The following CLDN14 variants were observed in gnomAD, a reference collection of about 807,000 sequenced individuals.
The protein encoded by CLDN14 is claudin 14, also known as claudin-14.
In CLDN14, 2 loss-of-function variants were observed where a neutral mutation model predicts 2.1. The ratio of observed to expected loss-of-function variants is 0.96; its 90% confidence interval spans 0.39 to 3.01. The LOEUF (loss-of-function observed/expected upper bound fraction) is 3.01, where lower values mean the gene tolerates loss of function less well. Among genes scored for constraint, CLDN14 ranks in the 30% most tolerant of loss-of-function variants. The pLI, the probability that CLDN14 is intolerant of heterozygous loss-of-function variation, is 0.09. For missense variants in CLDN14, 298 were observed against 328.0 expected (o/e 0.91, Z 0.71); for synonymous variants, 136 against 154.4 (o/e 0.88, Z 0.88).
In CLDN14 at chr21:36,527,516, A is replaced by T. The variant is rs376914620; in HGVS notation, c.-219-17016T>A. ...TAGATCAGCTGCTGTGTTCATGGAG[A>T]TGCTTCCACCAGATGGCCAGCCCGC... On this transcript the variant is annotated intron_variant, in intron 1 of 2. Coordinates refer to the CLDN14 transcript ENST00000342108. Among the ~76,000 whole-genome samples, 3 of 152,154 alleles carry T rather than the reference A, an allele frequency of 2.0e-5. No homozygotes were observed. The East Asian group carries it at 5.8e-4, about 29-fold the overall frequency.
intron 1 of CLDN14, among the ~76,000 whole-genome samples, chr21:36,524,074 A>G (rs2087302244): frequency 6.6e-6 from 1 of 151,404 alleles, no homozygotes; most frequent in Non-Finnish European, 1.5e-5. Context: ...ATCTATACCC[A>G]TCAGCAGTGT....
intron 1 of CLDN14, among the ~76,000 whole-genome samples, chr21:36,576,062 A>AAACC (rs2087739378): frequency 6.6e-6 from 1 of 152,198 alleles, no homozygotes; most frequent in South Asian, 2.1e-4. Flanking sequence ...CAGTAATTAA[A>AAACC]AACCAACCAA....
chr21:36,520,595 G>T (rs959140202), intron 1 of CLDN14, among the ~76,000 whole-genome samples: 3 of 152,206 alleles, frequency 2.0e-5, no homozygotes, highest in Admixed American at 6.5e-5. Flanking sequence ...TCCCAGCCAT[G>T]TGGAACTGTG....
At chr21:36,491,428 C>T (rs996925037) in intron 2 of CLDN14, among the ~76,000 whole-genome samples, 5 of 152,132 alleles carry the variant, frequency 3.3e-5, no homozygotes, top group African/African-American at 4.8e-5. Flanking sequence ...TGCGTGTCAG[C>T]GAGTCAACGA....
At chr21:36,494,079 AT>A (rs1340281246) in intron 2 of CLDN14, among the ~76,000 whole-genome samples, 2 of 152,162 alleles carry the variant, frequency 1.3e-5, no homozygotes, top group Non-Finnish European at 2.9e-5. Context: ...CATCAACTGG[AT>A]TCGCAAAGAG....
chr21:36,571,048 G>A (rs558667828), intron 1 of CLDN14, among the ~76,000 whole-genome samples: 6 of 152,150 alleles, frequency 3.9e-5, no homozygotes, highest in Non-Finnish European at 7.3e-5. Context: ...CACCATGTTG[G>A]TCAGGCTGGT....
intron 1 of CLDN14, among the ~76,000 whole-genome samples, chr21:36,470,633 G>A (rs1381239379): frequency 6.6e-6 from 1 of 152,196 alleles, no homozygotes; most frequent in Non-Finnish European, 1.5e-5. Flanking sequence ...GGCAGCCCCA[G>A]GAAACAAACA....
chr21:36,518,811 A>T (rs2146491273), intron 1 of CLDN14, among the ~76,000 whole-genome samples: 1 of 152,316 alleles, frequency 6.6e-6, no homozygotes, highest in South Asian at 2.1e-4. Flanking sequence ...CACACAATTA[A>T]TGGGAATACC....
intron 1 of CLDN14, among the ~76,000 whole-genome samples, chr21:36,570,819 G>T (rs1292053498): frequency 6.6e-6 from 1 of 152,066 alleles, no homozygotes; most frequent in African/African-American, 2.4e-5. Context: ...ATTTTAAAAT[G>T]AAAACTTCTA....
intron 1 of CLDN14, among the ~76,000 whole-genome samples, chr21:36,538,290 C>G (rs950555800): frequency 6.6e-6 from 1 of 152,146 alleles, no homozygotes; most frequent in Non-Finnish European, 1.5e-5. Context: ...AGTCATAAAA[C>G]TTAGCAAGAA....
At chr21:36,465,505 G>A (rs1292604783) in intron 1 of CLDN14, among the ~76,000 whole-genome samples, 1 of 152,218 alleles carries the variant, frequency 6.6e-6, no homozygotes, top group Non-Finnish European at 1.5e-5. Context: ...ACCAGCAGCT[G>A]CTACTGGCAT....
intron 1 of CLDN14, among the ~76,000 whole-genome samples, chr21:36,555,400 C>T (rs369637036): frequency 1.3e-5 from 2 of 152,320 alleles, no homozygotes; most frequent in Non-Finnish European, 2.9e-5. Context: ...GCACGGGGTG[C>T]GCTGTTATGC....
intron 1 of CLDN14, among the ~76,000 whole-genome samples, chr21:36,554,827 C>A (rs993853370): frequency 6.6e-6 from 1 of 152,192 alleles, no homozygotes; most frequent in African/African-American, 2.4e-5. Context: ...TACCTCCCGC[C>A]CCTGCCTCTG....
intron 1 of CLDN14, among the ~76,000 whole-genome samples, chr21:36,513,812 A>T (rs4817802): frequency 1 from 152,160 of 152,290 alleles, 76,017 homozygotes; most frequent in Middle Eastern, 1. Flanking sequence ...CCCTGGGATA[A>T]TTGATACGAG....
intron 2 of CLDN14, chr21:36,486,653 C>G (rs8132946): frequency 0.086 from 127,120 of 1,476,934 alleles, 8,803 homozygotes; most frequent in African/African-American, 0.35. Context: ...CAGCTTTTCT[C>G]TGTTCACCTC....
In CLDN14 at chr21:36,498,587, A is replaced by G. The variant is rs1169834480; in HGVS notation, c.-82+11776T>C. Among the ~76,000 whole-genome samples, 3 of 152,182 alleles carry G rather than the reference A, an allele frequency of 2.0e-5. No individual in the cohort carries two copies. Among genetic ancestry groups the G allele is most frequent in the Non-Finnish European group, 4.4e-5 (3 of 68,040 alleles). The stretch of plus-strand genomic sequence containing the variant: ...TGTGAGTATAAGCCTCTATAAACTG[A>G]GCACTGTTGCAGGCGATGGGGACGT... On this transcript the variant is annotated intron_variant, in intron 2 of 2. Transcript: ENST00000342108. The surrounding 1 kb of genome is among the most constrained non-coding windows in gnomAD (Gnocchi z 4.9).
At chr21:36,559,019 T>C (rs1342330304) in intron 1 of CLDN14, among the ~76,000 whole-genome samples, 1 of 152,172 alleles carries the variant, frequency 6.6e-6, no homozygotes, top group Admixed American at 6.5e-5. Context: ...CTGTACTGTG[T>C]TGAATAGAAG....
At chr21:36,556,087 G>C (rs1303209972) in intron 1 of CLDN14, among the ~76,000 whole-genome samples, 1 of 152,072 alleles carries the variant, frequency 6.6e-6, no homozygotes, top group Non-Finnish European at 1.5e-5. Context: ...ACTAATTTCA[G>C]CACTTCACTG....
intron 1 of CLDN14, among the ~76,000 whole-genome samples, chr21:36,530,730 T>C (rs2087373113): frequency 6.6e-6 from 1 of 151,720 alleles, no homozygotes; most frequent in African/African-American, 2.4e-5. Flanking sequence ...AAAAGGGAGA[T>C]ATTTCAAAAA....
Sources: gnomAD v4.1 joint callset for allele counts (sites outside exome capture counted in the v4.1 genomes callset) on GRCh38, gnomAD v4.1.1 for gene constraint, Gnocchi (gnomAD v3.1) non-coding constraint, MANE v1.5 for transcripts, NCBI Gene and HGNC (gene_info 2026-07-23, HGNC 2026-07-21) for gene names.